The following ABI2 variants were observed in gnomAD, a reference collection of about 807,000 sequenced individuals.
ABI2 encodes the protein abl interactor 2, also known as abelson interactor 2.
Under a neutral mutation model 59.2 loss-of-function variants are expected in ABI2, and 25 were observed. The observed-to-expected ratio is 0.42, with a 90% CI of 0.31 to 0.59. The LOEUF (loss-of-function observed/expected upper bound fraction) is 0.59. Ranked by LOEUF, ABI2 falls within the 20% of genes least tolerant of loss-of-function variation. ABI2 has a pLI of 0.14. For synonymous variants in ABI2, 213 were observed against 235.5 expected, an observed-to-expected ratio of 0.90 and a Z score of 0.87; for missense variants, 545 against 681.8, an observed-to-expected ratio of 0.80 and a Z score of 2.23.
chr2:203,390,968 G>A, intron 4 of ABI2, 78 bp from the exon 5 acceptor site: 2 of 1,071,858 alleles, frequency 1.9e-6, no homozygotes, highest in Non-Finnish European at 2.8e-6. Flanking sequence ...CCTTTGTTAT[G>A]TAGTGTAGCA....
intron 4 of ABI2, among the ~76,000 whole-genome samples, chr2:203,384,824 T>C (rs1249427750): frequency 6.9e-6 from 1 of 145,894 alleles, no homozygotes; most frequent in Non-Finnish European, 1.5e-5. Context: ...AAGCAGATTC[T>C]TTTTTTTTTT....
rs200958880 is a variant in ABI2 at position 203,391,081 on chromosome 2, G to A, written c.516G>A (p.Pro172=). Reference sequence around the variant, plus strand: ...AGAACATGAAGATGGGTGGGCTGCCGCGTACAACACCTCCAACTCAGAAGC... The same window carrying A: ...AGAACATGAAGATGGGTGGGCTGCCACGTACAACACCTCCAACTCAGAAGC... ...STQNMKMGGL[P]RTTPPTQKPP... The change falls in exon 5 of 12, where the codon CCG becomes CCA. Residue 172 remains proline (P), a synonymous_variant. Coordinates refer to ENST00000261018, the MANE Select transcript of ABI2 (RefSeq NM_001375670.1). 60 of 1,613,746 alleles carry A rather than the reference G, an allele frequency of 3.7e-5. No individual in the cohort carries two copies. The highest frequency in any genetic ancestry group is 1.2e-4 in the African/African-American group (9 of 74,914).
At position 203,366,938 on chromosome 2, in the gene ABI2, G is replaced by A. The variant is rs922201744; in HGVS notation, c.179G>A (p.Ser60Asn). 1 of 1,613,460 alleles carries A rather than the reference G, an allele frequency of 6.2e-7. No homozygotes were observed. Among genetic ancestry groups the A allele is most frequent in the Non-Finnish European group, 8.5e-7 (1 of 1,179,680 alleles). The change falls in exon 2 of 12, where the codon AGT becomes AAT. Residue 60 changes from serine (S) to asparagine (N), a missense_variant. Ser to Asn is a conservative substitution (Grantham distance 46, BLOSUM62 1). Coordinates refer to ENST00000261018, the MANE Select transcript of ABI2 (RefSeq NM_001375670.1). ...GCCTACACCACCCAATCCTTAGCAA[G>A]TGTTGCCTATCTGATAAACACCTTG... ...TKAYTTQSLA[S>N]VAYLINTLAN...
At chr2:203,418,492 G>C (rs1016127037) in intron 11 of ABI2, among the ~76,000 whole-genome samples, 1 of 152,206 alleles carries the variant, frequency 6.6e-6, no homozygotes, top group African/African-American at 2.4e-5. Context: ...TTGGCCTGAC[G>C]GCCTCGGCTT....
chr2:203,350,758 T>C (rs948651090), intron 1 of ABI2, among the ~76,000 whole-genome samples: 4 of 151,956 alleles, frequency 2.6e-5, no homozygotes, highest in Non-Finnish European at 5.9e-5. Context: ...CAGGCTGGTC[T>C]CGAACTCCTG....
intron 10 of ABI2, among the ~76,000 whole-genome samples, chr2:203,414,544 G>A (rs769797473): frequency 1.3e-5 from 2 of 152,142 alleles, no homozygotes; most frequent in Non-Finnish European, 2.9e-5. Context: ...TTTATGCTGT[G>A]TGCTTCTATA....
At chr2:203,410,855 C>T (rs1390633629) in intron 9 of ABI2, among the ~76,000 whole-genome samples, 1 of 151,794 alleles carries the variant, frequency 6.6e-6, no homozygotes, top group East Asian at 1.9e-4. Context: ...AAACTTGTAA[C>T]CTTCCAAGGT....
intron 11 of ABI2, among the ~76,000 whole-genome samples, chr2:203,417,961 A>C (rs1422922506): frequency 1.3e-5 from 2 of 152,206 alleles, no homozygotes; most frequent in Admixed American, 1.3e-4. Flanking sequence ...TATATCTTTA[A>C]AAAGAGAGAG....
chr2:203,375,137 T>C (rs1041475817), intron 2 of ABI2, among the ~76,000 whole-genome samples: 2 of 152,156 alleles, frequency 1.3e-5, no homozygotes, highest in African/African-American at 4.8e-5. Flanking sequence ...GCATGCAAGA[T>C]CAGCTTGGCA....
rs573522325 is a variant in ABI2 at position 203,397,272 on chromosome 2, CATT to C, written c.1033+307_1033+309del. Among the ~76,000 whole-genome samples, 169 of 152,066 alleles carry C rather than the reference CATT, an allele frequency of 1.1e-3. 1 individual carries two copies. In the Middle Eastern group the frequency reaches 0.014, roughly 12 times the overall value. ...CTTCTATACAGTTTTTGGAAATTAT[CATT>C]AGAAATATTTTCATTATAGGTTAAG... On this transcript the variant is annotated intron_variant, in intron 8 of 11. Transcript: ENST00000261018.
intron 1 of ABI2, among the ~76,000 whole-genome samples, chr2:203,356,066 G>A (rs1253602889): frequency 6.6e-6 from 1 of 151,894 alleles, no homozygotes. Context: ...CTCTCTCTCT[G>A]AAAGCTTATG....
Position 203,361,819 on chromosome 2 carries a change from TTA to T in ABI2, c.118-5056_118-5055del, listed in dbSNP as rs2093562829. Among the ~76,000 whole-genome samples the T allele has an allele frequency of 3.3e-5, 5 of 152,172 alleles. No individual in the cohort carries two copies. The South Asian group carries it at 1.0e-3, about 32-fold the overall frequency. On this transcript the variant is annotated intron_variant, in intron 1 of 11. Transcript: ENST00000261018. The stretch of plus-strand genomic sequence containing the variant: ...GATGTCCTGTGTCTTATAGTGTCAT[TTA>T]TTGAGCGAGGTACCCTTTCTCAAAG...
At chr2:203,370,186 TTC>T (rs71007509) in intron 2 of ABI2, among the ~76,000 whole-genome samples, 3,696 of 136,646 alleles carry the variant, frequency 0.027, 78 homozygotes, top group African/African-American at 0.059. Context: ...CATTCTCCTA[TTC>T]TCTCTCTCTC....
chr2:203,339,008 A>G (rs938465431), intron 1 of ABI2, among the ~76,000 whole-genome samples: 1 of 106,166 alleles, frequency 9.4e-6, no homozygotes, highest in African/African-American at 3.9e-5. Flanking sequence ...ATATATATAT[A>G]AAGGATTCAT....
intron 5 of ABI2, among the ~76,000 whole-genome samples, chr2:203,393,102 A>G (rs868093045): frequency 6.6e-6 from 1 of 152,114 alleles, no homozygotes; most frequent in Non-Finnish European, 1.5e-5. Context: ...GTTGTACAAT[A>G]TTGGCTCACT....
intron 1 of ABI2, among the ~76,000 whole-genome samples, chr2:203,360,588 A>G (rs1178140045): frequency 6.6e-6 from 1 of 152,222 alleles, no homozygotes; most frequent in Non-Finnish European, 1.5e-5. Flanking sequence ...CTAAAGAAGC[A>G]GTTTAGCAAA....
intron 1 of ABI2, among the ~76,000 whole-genome samples, chr2:203,340,749 TTA>T (rs971346703): frequency 6.6e-6 from 1 of 152,108 alleles, no homozygotes; most frequent in South Asian, 2.1e-4. Context: ...ATTTTACAGT[TTA>T]TGTGTGTATC....
intron 1 of ABI2, among the ~76,000 whole-genome samples, chr2:203,333,590 T>C (rs1030188967): frequency 1.3e-5 from 2 of 152,184 alleles, no homozygotes; most frequent in African/African-American, 4.8e-5. Context: ...TCATTTGAAA[T>C]TGATCAAGGC....
At chr2:203,392,867 T>C (rs538500448) in intron 5 of ABI2, among the ~76,000 whole-genome samples, 5 of 152,310 alleles carry the variant, frequency 3.3e-5, no homozygotes, top group African/African-American at 1.2e-4. Context: ...TGCAAGATCC[T>C]TGGGGACCAG....
Sources: gnomAD v4.1 joint callset for allele counts (sites outside exome capture counted in the v4.1 genomes callset) on GRCh38, gnomAD v4.1.1 for gene constraint, MANE v1.5 for transcripts, NCBI Gene and HGNC (gene_info 2026-07-23, HGNC 2026-07-21) for gene names.